TMEM132D: variants seen among roughly 807,000 people sequenced by gnomAD.
TMEM132D encodes the protein mature OL transmembrane protein.
In TMEM132D, 21 loss-of-function variants were observed where a neutral mutation model predicts 62.3. That is an observed-to-expected ratio of 0.34 (90% CI 0.24 to 0.49). TMEM132D has a LOEUF of 0.49. TMEM132D is among the 20% of genes least tolerant of loss of function. The probability of loss-of-function intolerance (pLI) is 0.99; values close to 1 mark genes in which losing one functional copy is unlikely to be tolerated. For synonymous variants in TMEM132D, 621 were observed against 575.6 expected (o/e 1.08, Z -1.13); for missense variants, 1,346 against 1,402.8 (o/e 0.96, Z 0.65).
intron 5 of TMEM132D, among the ~76,000 whole-genome samples, chr12:129,166,682 T>TATATACACACACACACACAC (rs1368396060): frequency 1.7e-5 from 1 of 59,790 alleles, no homozygotes; most frequent in African/African-American, 5.1e-5. Context: ...GACATATATA[T>TATATACACACACACACACAC]ACACATACAC....
At chr12:129,079,679 C>T (rs528331665) in intron 7 of TMEM132D, among the ~76,000 whole-genome samples, 1 of 152,054 alleles carries the variant, frequency 6.6e-6, no homozygotes, top group African/African-American at 2.4e-5. Flanking sequence ...TTCCCAGGAC[C>T]CTTTGAGACC....
intron 4 of TMEM132D, among the ~76,000 whole-genome samples, chr12:129,278,474 C>A (rs1176231454): frequency 6.6e-6 from 1 of 152,186 alleles, no homozygotes; most frequent in Non-Finnish European, 1.5e-5. Flanking sequence ...GCCATGCACT[C>A]CAAGGCTCCA....
chr12:129,245,618 A>G (rs779803327), intron 4 of TMEM132D, among the ~76,000 whole-genome samples: 2 of 151,902 alleles, frequency 1.3e-5, no homozygotes, highest in Non-Finnish European at 2.9e-5. Flanking sequence ...CAGCTGAGAC[A>G]TTAATAACTT....
At chr12:129,262,886 CTCCCCTACCCTG>C (rs1243567622) in intron 4 of TMEM132D, 1 of 152,266 alleles carries the variant, frequency 6.6e-6, no homozygotes, top group African/African-American at 2.4e-5. Context: ...CACTCCTACC[CTCCCCTACCCTG>C]TTCAATGACC....
chr12:129,130,015 C>CTGTG (rs59282376), intron 5 of TMEM132D, among the ~76,000 whole-genome samples: 63,361 of 141,388 alleles, frequency 0.45, 14,051 homozygotes, highest in Non-Finnish European at 0.47. Context: ...AAGCTCTGCT[C>CTGTG]TGTGTGTGTG....
rs571128965 is a variant in TMEM132D at position 129,592,782 on chromosome 12, T to C, written c.969-61577A>G. Among the ~76,000 whole-genome samples the C allele has an allele frequency of 2.0e-5, 3 of 152,338 alleles. No individual in the cohort carries two copies. The South Asian group carries it at 6.2e-4, about 32-fold the overall frequency. On this transcript the variant is annotated intron_variant, in intron 2 of 8. Transcript: ENST00000422113. ...GTTTGTGAAGATGGAGCAAGGATTA[T>C]AGGTCTATGTGTGCAAAAGTGGGTC...
intron 3 of TMEM132D, among the ~76,000 whole-genome samples, chr12:129,340,802 C>T (rs769740516): frequency 5.3e-5 from 8 of 152,154 alleles, no homozygotes; most frequent in African/African-American, 7.2e-5. Flanking sequence ...ATGTTTATTG[C>T]GGCACTATTC....
intron 5 of TMEM132D, among the ~76,000 whole-genome samples, chr12:129,092,783 G>A (rs1874972614): frequency 6.6e-6 from 1 of 152,176 alleles, no homozygotes; most frequent in Admixed American, 6.5e-5. Flanking sequence ...GTACTGTACT[G>A]AATGTCAATA....
intron 2 of TMEM132D, among the ~76,000 whole-genome samples, chr12:129,606,838 A>G (rs1565920532): frequency 6.6e-6 from 1 of 152,302 alleles, no homozygotes; most frequent in East Asian, 1.9e-4. Context: ...CTCTCTACCA[A>G]AATGCTTGTT....
chr12:129,877,471 G>A (rs1023344281), intron 1 of TMEM132D, among the ~76,000 whole-genome samples: 1 of 152,170 alleles, frequency 6.6e-6, no homozygotes, highest in Non-Finnish European at 1.5e-5. Context: ...ATCCTTAAAC[G>A]CGTAAAACAG....
chr12:129,337,588 C>T (rs1433922274), intron 4 of TMEM132D, 46 bp downstream of exon 4: 1 of 1,608,602 alleles, frequency 6.2e-7, no homozygotes, highest in Non-Finnish European at 8.5e-7. Context: ...GGCGCCTTCC[C>T]CTCCCCCGAG....
chr12:129,147,679 C>T (rs1876951708), intron 5 of TMEM132D, among the ~76,000 whole-genome samples: 1 of 152,204 alleles, frequency 6.6e-6, no homozygotes, highest in African/African-American at 2.4e-5. Flanking sequence ...TCTTCTAGGG[C>T]ATCATATCCT....
At chr12:129,455,521 G>C (rs1355884497) in intron 3 of TMEM132D, among the ~76,000 whole-genome samples, 1 of 152,196 alleles carries the variant, frequency 6.6e-6, no homozygotes, top group Admixed American at 6.5e-5. Flanking sequence ...AACATAAATA[G>C]TAGTAAAAAC....
At chr12:129,591,533 C>T (rs1878189691) in intron 2 of TMEM132D, among the ~76,000 whole-genome samples, 1 of 96,122 alleles carries the variant, frequency 1.0e-5, no homozygotes, top group African/African-American at 4.4e-5. Context: ...GTGAAATTGG[C>T]TTTTGGGTTT....
intron 4 of TMEM132D, among the ~76,000 whole-genome samples, chr12:129,322,068 T>C (rs527533647): frequency 2.0e-5 from 3 of 152,246 alleles, no homozygotes; most frequent in Non-Finnish European, 2.9e-5. Context: ...AGTTATTTTC[T>C]TTCCACCAGC....
chr12:129,752,239 A>G (rs754289373), intron 1 of TMEM132D, among the ~76,000 whole-genome samples: 9 of 150,272 alleles, frequency 6.0e-5, no homozygotes, highest in East Asian at 1.9e-4. Context: ...ACACATGCGC[A>G]CACACACACA....
At chr12:129,611,917 C>G (rs763598615) in intron 2 of TMEM132D, among the ~76,000 whole-genome samples, 2 of 152,150 alleles carry the variant, frequency 1.3e-5, no homozygotes, top group Non-Finnish European at 2.9e-5. Flanking sequence ...CCATTCTGTT[C>G]CCACTAAGAG....
chr12:129,645,975 T>G (rs1879767805), intron 2 of TMEM132D, among the ~76,000 whole-genome samples: 1 of 152,152 alleles, frequency 6.6e-6, no homozygotes, highest in Admixed American at 6.5e-5. Context: ...TATTCCACCA[T>G]TTGTTGAGCA....
chr12:129,139,246 T>C (rs868670822), intron 5 of TMEM132D, among the ~76,000 whole-genome samples: 4 of 152,300 alleles, frequency 2.6e-5, no homozygotes, highest in Middle Eastern at 3.4e-3. Context: ...AGCAAAACAT[T>C]TCCAGTAGTC....
Sources: gnomAD v4.1 joint callset for allele counts (sites outside exome capture counted in the v4.1 genomes callset) on GRCh38, gnomAD v4.1.1 for gene constraint, MANE v1.5 for transcripts, NCBI Gene and HGNC (gene_info 2026-07-23, HGNC 2026-07-21) for gene names.